The following NLRP5 variants were observed in gnomAD, a reference collection of about 807,000 sequenced individuals.
NLRP5 encodes the protein NACHT, LRR and PYD domains-containing protein 5.
In NLRP5, 93 loss-of-function variants were observed where a neutral mutation model predicts 113.1. That is an observed-to-expected ratio of 0.82 (90% CI 0.70 to 0.98). NLRP5 has a LOEUF of 0.98. NLRP5 is among the 50% of genes least tolerant of loss of function. NLRP5 has a pLI of 0.00. For missense variants in NLRP5, 1,808 were observed against 1,514.3 expected (o/e 1.19, Z -3.22); for synonymous variants, 751 against 600.7 (o/e 1.25, Z -3.66).
At chr19:56,043,653 C>A (rs985949946) in intron 11 of NLRP5, among the ~76,000 whole-genome samples, 4 of 142,442 alleles carry the variant, frequency 2.8e-5, no homozygotes, top group African/African-American at 1.0e-4. Context: ...GCAAGCTCTG[C>A]CTCCTGGGTT....
In NLRP5 at chr19:56,061,581, C is replaced by A; in HGVS notation, c.*53C>A. ...CCATCTGATGGAGGAACTTTAAACG[C>A]TGTTTTCTCAGAGCAAGCTATGCAC... is the stretch of plus-strand genomic sequence containing the variant. On this transcript the variant is annotated 3_prime_UTR_variant, in exon 15 of 15. Transcript: ENST00000390649. 1 of 1,604,184 alleles carries A rather than the reference C, an allele frequency of 6.2e-7. No individual in the cohort carries two copies. The highest frequency in any genetic ancestry group is 8.5e-7 in the Non-Finnish European group (1 of 1,172,780).
Position 56,032,682 on chromosome 19 carries a change from T to TGCGGCAGCTGGACCTGG in NLRP5, c.2351_2367dup (p.Ser790GlyfsTer10), listed in dbSNP as rs754274148. ...TCCATGCTTGGCACCCACCCACACC[T>TGCGGCAGCTGGACCTGG]GCGGCAGCTGGACCTGGGCAGCAGC... On this transcript the variant is annotated frameshift_variant, in exon 8 of 15. Coordinates refer to ENST00000390649, the MANE Select transcript of NLRP5 (RefSeq NM_153447.4). LOFTEE classifies it high-confidence loss of function. 6.2e-7 allele frequency: 1 copy of TGCGGCAGCTGGACCTGG among 1,613,606 alleles called. No individual in the cohort carries two copies. Among genetic ancestry groups the TGCGGCAGCTGGACCTGG allele is most frequent in the South Asian group, 1.1e-5 (1 of 91,032 alleles).
chr19:56,037,747 G>A (rs1455017968), intron 9 of NLRP5, among the ~76,000 whole-genome samples: 4 of 148,398 alleles, frequency 2.7e-5, no homozygotes, highest in Admixed American at 1.4e-4. Context: ...TGAATGTTGA[G>A]ACAATGGAGG....
At chr19:56,046,711 T>TA (rs1423127312) in intron 11 of NLRP5, among the ~76,000 whole-genome samples, 3 of 151,986 alleles carry the variant, frequency 2.0e-5, no homozygotes, top group Non-Finnish European at 2.9e-5. Flanking sequence ...CGGCTAATTT[T>TA]TTTTTTGTAT....
At chr19:55,987,925 A>C in the NLRP5 span, 1 of 1,590,378 alleles carries the variant, frequency 6.3e-7, no homozygotes, top group Non-Finnish European at 8.6e-7. Flanking sequence ...CCGTCCAGTC[A>C]TCTTTCTCTG....
At chr19:56,054,391 C>G (rs763073605) in intron 13 of NLRP5, among the ~76,000 whole-genome samples, 1 of 152,048 alleles carries the variant, frequency 6.6e-6, no homozygotes, top group Non-Finnish European at 1.5e-5. Context: ...AACCCTGTCT[C>G]TACTAAAAAT....
rs1555764914 is a variant in NLRP5 at position 56,010,742 on chromosome 19, C to CCCAAAAAAAAAAAAAAAAAAAAA, written c.508+1889_508+1890insCCAAAAAAAAAAAAAAAAAAAAA. Among the ~76,000 whole-genome samples the CCCAAAAAAAAAAAAAAAAAAAAA allele has an allele frequency of 7.3e-5, 3 of 41,278 alleles. 1 individual carries two copies. Among genetic ancestry groups the CCCAAAAAAAAAAAAAAAAAAAAA allele is most frequent in the African/African-American group, 3.1e-4 (3 of 9,596 alleles). The allele number at this position is 41,278 out of a possible 152,430, so 27.1% of individuals were successfully genotyped here. A position where few individuals can be genotyped will look rare whatever the true frequency, so the allele number is the denominator to read the frequency against. The stretch of plus-strand genomic sequence containing the variant: ...GGGAAACAAGAGCTTAACTCTGTCT[C>CCCAAAAAAAAAAAAAAAAAAAAA]AAAAAAAAAAAAAGTCCCTTGAAAC... On this transcript the variant is annotated intron_variant, in intron 3 of 14. Coordinates refer to ENST00000390649, the MANE Select transcript of NLRP5 (RefSeq NM_153447.4).
At chr19:56,017,758 C>G (rs984739445) in intron 4 of NLRP5, among the ~76,000 whole-genome samples, 2 of 152,158 alleles carry the variant, frequency 1.3e-5, no homozygotes, top group African/African-American at 4.8e-5. Context: ...TCTGCCTTCA[C>G]TGTTTTCCAT....
At chr19:56,037,607 C>A (rs539682139) in intron 9 of NLRP5, among the ~76,000 whole-genome samples, 1 of 150,244 alleles carries the variant, frequency 6.7e-6, no homozygotes, top group African/African-American at 2.5e-5. Context: ...GCAGGAGACT[C>A]GCTTCAATCC....
chr19:56,059,595 T>C lies in NLRP5; in HGVS notation c.3470+1185T>C, dbSNP rs138537761. On this transcript the variant is annotated intron_variant, in intron 14 of 14. Transcript: ENST00000390649. The stretch of plus-strand genomic sequence containing the variant: ...TTGCCTCCAGGCTGGAGTGCAGGGG[T>C]GCAATCTTAGCTCACTGCAACCTCC... Among the ~76,000 whole-genome samples the C allele has an allele frequency of 1.4e-4, 21 of 152,294 alleles. No individual in the cohort carries two copies. In the East Asian group the frequency reaches 2.1e-3, roughly 15 times the overall value.
In NLRP5 at chr19:56,040,933, G is replaced by C; in HGVS notation, c.2798G>C (p.Cys933Ser). The change falls in exon 11 of 15, where the codon TGT becomes TCT. Residue 933 changes from cysteine to serine, a missense_variant. By Grantham distance (112) the Cys-to-Ser change is moderately radical. Coordinates refer to ENST00000390649, the MANE Select transcript of NLRP5 (RefSeq NM_153447.4). ...CTCTCTTCTTGCAGACTGGAGGACT[G>C]TGGCATCACAGCCACGGGTTGCCAG... 1 of 1,613,842 alleles carries C rather than the reference G, an allele frequency of 6.2e-7. No individual in the cohort carries two copies. The highest frequency in any genetic ancestry group is 8.5e-7 in the Non-Finnish European group (1 of 1,179,782).
chr19:56,045,301 G>T (rs1983681667), intron 11 of NLRP5, among the ~76,000 whole-genome samples: 1 of 152,192 alleles, frequency 6.6e-6, no homozygotes, highest in Non-Finnish European at 1.5e-5. Flanking sequence ...TAAGTGAAGA[G>T]ACAACCTGAA....
intron 13 of NLRP5, 105 bp downstream of exon 13, chr19:56,053,913 C>T: frequency 9.4e-7 from 1 of 1,067,306 alleles, no homozygotes; most frequent in East Asian, 2.4e-5. Context: ...TTCCATGAGT[C>T]CCTCAAGTTA....
chr19:56,009,734 C>T (rs1460909517), intron 3 of NLRP5, among the ~76,000 whole-genome samples: 17 of 152,156 alleles, frequency 1.1e-4, no homozygotes, highest in Admixed American at 1.0e-3. Context: ...GCGCCGCTAC[C>T]ATCTTGCTCA....
chr19:55,998,716 A>G (rs200143625), upstream of NLRP5, among the ~76,000 whole-genome samples: 2,256 of 123,098 alleles, frequency 0.018, 102 homozygotes, highest in Admixed American at 0.032. Context: ...GTGTGTGTGT[A>G]TATATATATA....
intron 3 of NLRP5, among the ~76,000 whole-genome samples, chr19:56,009,563 G>A (rs1007485552): frequency 3.3e-5 from 5 of 151,992 alleles, no homozygotes; most frequent in East Asian, 1.9e-4. Context: ...ACTGCTCTGC[G>A]TATTTACAAT....
At chr19:55,998,146 T>C (rs1981395774), upstream of NLRP5, among the ~76,000 whole-genome samples, 1 of 152,116 alleles carries the variant, frequency 6.6e-6, no homozygotes, top group Non-Finnish European at 1.5e-5. Context: ...TTCCAAAGAT[T>C]GGATTAGATT....
At chr19:56,045,306 C>A (rs1426686747) in intron 11 of NLRP5, among the ~76,000 whole-genome samples, 2 of 152,142 alleles carry the variant, frequency 1.3e-5, no homozygotes, top group Admixed American at 6.6e-5. Flanking sequence ...GAAGAGACAA[C>A]CTGAACAGGC....
At chr19:56,007,205 A>C (rs1981955859) in intron 2 of NLRP5, among the ~76,000 whole-genome samples, 1 of 151,302 alleles carries the variant, frequency 6.6e-6, no homozygotes, top group Non-Finnish European at 1.5e-5. Flanking sequence ...TCTACTAAAA[A>C]TACAAAAAAT....
Sources: gnomAD v4.1 joint callset for allele counts (sites outside exome capture counted in the v4.1 genomes callset) on GRCh38, gnomAD v4.1.1 for gene constraint, MANE v1.5 for transcripts, NCBI Gene and HGNC (gene_info 2026-07-23, HGNC 2026-07-21) for gene names.